Variants in KCNH1 observed in about 807,000 individuals in gnomAD.
KCNH1 encodes the protein potassium voltage-gated channel subfamily H member 1.
KCNH1 carries 27 observed loss-of-function variants against 69.2 expected under a neutral mutation model. That is an observed-to-expected ratio of 0.39 (90% CI 0.29 to 0.54). The LOEUF (loss-of-function observed/expected upper bound fraction) is 0.54. Among genes scored for constraint, KCNH1 ranks in the 20% least tolerant of loss-of-function variants. The pLI is 0.68. For synonymous variants in KCNH1, 456 were observed against 487.7 expected (o/e 0.93, Z 0.86); for missense variants, 798 against 1,261.6 (o/e 0.63, Z 5.57).
intron 6 of KCNH1, among the ~76,000 whole-genome samples, chr1:210,926,130 G>A (rs34773128): frequency 0.35 from 53,496 of 151,990 alleles, 9,866 homozygotes; most frequent in African/African-American, 0.42. Context: ...CATGGTGGCA[G>A]GTGCCTGTAA....
chr1:211,083,420 T>C (rs1453822259), intron 4 of KCNH1, among the ~76,000 whole-genome samples: 3 of 152,204 alleles, frequency 2.0e-5, no homozygotes, highest in Non-Finnish European at 4.4e-5. Context: ...TAAGAAATGA[T>C]TTCAACCCCT....
chr1:210,939,243 G>T (rs148214803), intron 6 of KCNH1, among the ~76,000 whole-genome samples: 1 of 152,068 alleles, frequency 6.6e-6, no homozygotes, highest in Admixed American at 6.6e-5. Context: ...ATTTGACTGC[G>T]GGGGGAGACA....
intron 7 of KCNH1, among the ~76,000 whole-genome samples, chr1:210,884,003 A>T (rs555848535): frequency 6.6e-5 from 10 of 152,316 alleles, no homozygotes; most frequent in African/African-American, 2.4e-4. Context: ...TCTCAGTTCT[A>T]CAGACACTAA....
chr1:210,796,466 T>C (rs1410083044), intron 9 of KCNH1, among the ~76,000 whole-genome samples: 1 of 152,088 alleles, frequency 6.6e-6, no homozygotes, highest in Admixed American at 6.5e-5. Flanking sequence ...ATACCACCAA[T>C]AAAGAGCTGT....
intron 10 of KCNH1, among the ~76,000 whole-genome samples, chr1:210,703,495 C>T (rs751346596): frequency 1.4e-4 from 22 of 152,316 alleles, no homozygotes; most frequent in Middle Eastern, 3.4e-3. Context: ...ACAGTGCCTA[C>T]CTGCTTTATA....
intron 7 of KCNH1, among the ~76,000 whole-genome samples, chr1:210,893,528 G>C (rs1220620011): frequency 1.3e-5 from 2 of 151,528 alleles, no homozygotes; most frequent in East Asian, 3.9e-4. Context: ...GGGTTTGCTG[G>C]GCTCTTGGAT....
At chr1:210,861,062 T>C in intron 7 of KCNH1, 1 of 942,540 alleles carries the variant, frequency 1.1e-6, no homozygotes, top group Admixed American at 1.8e-5. Flanking sequence ...TTGAAGTACC[T>C]CCTTCCTCTT....
chr1:210,802,813 T>G (rs1220505957), intron 8 of KCNH1, among the ~76,000 whole-genome samples: 1 of 152,182 alleles, frequency 6.6e-6, no homozygotes, highest in Non-Finnish European at 1.5e-5. Context: ...TTCCTGGACT[T>G]GTCTGATGAA....
At chr1:210,842,355 G>A (rs1685429896) in intron 7 of KCNH1, among the ~76,000 whole-genome samples, 1 of 152,150 alleles carries the variant, frequency 6.6e-6, no homozygotes, top group Non-Finnish European at 1.5e-5. Context: ...TTTATTTAGA[G>A]ACACGAAGAG....
intron 6 of KCNH1, among the ~76,000 whole-genome samples, chr1:210,984,520 T>C (rs1376138172): frequency 6.6e-6 from 1 of 152,136 alleles, no homozygotes; most frequent in Middle Eastern, 3.2e-3. Context: ...TTTCTGCATC[T>C]ATTGAGATAA....
intron 6 of KCNH1, among the ~76,000 whole-genome samples, chr1:211,001,715 G>A (rs1485757237): frequency 3.3e-5 from 5 of 152,218 alleles, no homozygotes; most frequent in South Asian, 2.1e-4. Context: ...TCATGTACAC[G>A]TATGTTTATT....
At chr1:210,976,901 G>T (rs4309043) in intron 6 of KCNH1, among the ~76,000 whole-genome samples, 112,078 of 145,358 alleles carry the variant, frequency 0.77, 43,895 homozygotes, top group African/African-American at 0.89. Flanking sequence ...AGTGTGGCGA[G>T]TCCTCAGGGA....
At chr1:210,797,382 G>C (rs912475391) in intron 9 of KCNH1, 126 bp downstream of exon 9, 3 of 1,017,594 alleles carry the variant, frequency 2.9e-6, no homozygotes, top group African/African-American at 3.2e-5. Flanking sequence ...GGATAGATAA[G>C]TGAATATTAG....
At chr1:210,718,176 A>G (rs1342062282) in intron 10 of KCNH1, among the ~76,000 whole-genome samples, 3 of 147,072 alleles carry the variant, frequency 2.0e-5, no homozygotes, top group Non-Finnish European at 3.0e-5. Context: ...TTTATTTAAC[A>G]TAATATGTCC....
In KCNH1 at chr1:210,919,073, TA is replaced by T. The variant is rs1244108161; in HGVS notation, c.1462+566del. 1.3e-5 allele frequency: 2 copies of T among 153,596 alleles called. No individual in the cohort carries two copies. Among genetic ancestry groups the T allele is most frequent in the African/African-American group, 2.4e-5 (1 of 41,450 alleles). 9.5% of individuals were successfully genotyped at this position (153,596 alleles called of 1,614,324 possible). A position where few individuals can be genotyped will look rare whatever the true frequency, so the allele number is the denominator to read the frequency against. On this transcript the variant is annotated intron_variant, in intron 7 of 10. Transcript: ENST00000271751. This position sits in a 1 kb window ranked among gnomAD's most constrained non-coding sequence, Gnocchi z 4.2. The stretch of plus-strand genomic sequence containing the variant: ...CTATAGTTAATAATACTGTAATGCC[TA>T]CAGGAAATTTGCTGAGAGAGCAGAT...
chr1:210,807,034 T>G (rs1159807946), intron 7 of KCNH1, among the ~76,000 whole-genome samples: 2 of 148,728 alleles, frequency 1.3e-5, no homozygotes, highest in Non-Finnish European at 3.0e-5. Context: ...CACAAGAAGT[T>G]GCCAAGATGG....
At chr1:211,005,120 TA>T (rs1361894878) in intron 6 of KCNH1, among the ~76,000 whole-genome samples, 1 of 152,032 alleles carries the variant, frequency 6.6e-6, no homozygotes, top group Non-Finnish European at 1.5e-5. Flanking sequence ...TTACAGACAT[TA>T]AAAGATAAAG....
chr1:211,002,867 G>A (rs916324707), intron 6 of KCNH1, among the ~76,000 whole-genome samples: 7 of 152,062 alleles, frequency 4.6e-5, no homozygotes, highest in Non-Finnish European at 8.8e-5. Flanking sequence ...TTGGAATTCC[G>A]GAGCAAAGAG....
At chr1:211,099,738 T>C (rs1374837258) in intron 3 of KCNH1, among the ~76,000 whole-genome samples, 1 of 152,146 alleles carries the variant, frequency 6.6e-6, no homozygotes, top group African/African-American at 2.4e-5. Flanking sequence ...AGCCAGACAC[T>C]AGCAAGTTTT....
Sources: gnomAD v4.1 joint callset for allele counts (sites outside exome capture counted in the v4.1 genomes callset) on GRCh38, gnomAD v4.1.1 for gene constraint, Gnocchi (gnomAD v3.1) non-coding constraint, MANE v1.5 for transcripts, NCBI Gene and HGNC (gene_info 2026-07-23, HGNC 2026-07-21) for gene names.